Variants in SH3BP1 observed in about 807,000 individuals in gnomAD.
SH3BP1 encodes the protein SH3 domain binding protein 1, also known as SH3 domain-binding protein 1.
In SH3BP1, 46 loss-of-function variants were observed where a neutral mutation model predicts 69.8. The observed-to-expected ratio is 0.66, with a 90% CI of 0.52 to 0.84. The LOEUF is 0.84. Among genes scored for constraint, SH3BP1 ranks in the 40% least tolerant of loss-of-function variants. The pLI is 0.00. For missense variants in SH3BP1, 868 were observed against 930.9 expected, an observed-to-expected ratio of 0.93 and a Z score of 0.88; for synonymous variants, 403 against 378.0, an observed-to-expected ratio of 1.07 and a Z score of -0.77.
intron 7 of SH3BP1, among the ~76,000 whole-genome samples, chr22:37,644,294 G>A (rs1380637311): frequency 6.6e-6 from 1 of 152,188 alleles, no homozygotes; most frequent in Non-Finnish European, 1.5e-5. Context: ...CAGGAGAATC[G>A]CTTGAGCCCA....
chr22:37,653,663 T>TA, intron 16 of SH3BP1, 116 bp from the exon 17 acceptor site: 1 of 745,714 alleles, frequency 1.3e-6, no homozygotes, highest in South Asian at 1.5e-5. Context: ...GACAGAGTGA[T>TA]AGAGAGCGAG....
intron 10 of SH3BP1, among the ~76,000 whole-genome samples, chr22:37,645,960 C>CCT (rs1932779311): frequency 7.9e-6 from 1 of 126,280 alleles, no homozygotes; most frequent in African/African-American, 3.4e-5. Flanking sequence ...CTCCCTTACA[C>CCT]TTTTTTTTTT....
rs575510475 is a variant in SH3BP1 at position 37,655,881 on chromosome 22, C to T, written c.*197C>T. 1.3e-6 allele frequency: 2 copies of T among 1,548,946 alleles called. No individual in the cohort carries two copies. The highest frequency in any genetic ancestry group is 2.3e-5 in the South Asian group (2 of 85,170). On this transcript the variant is annotated 3_prime_UTR_variant, in exon 18 of 18. Transcript: ENST00000649765. The stretch of plus-strand genomic sequence containing the variant: ...ATTTCCTGACCTTTTCCTCGTCCAC[C>T]CTGGGCTTGGGGACCCCCCCACCGG...
intron 11 of SH3BP1, 129 bp downstream of exon 11, chr22:37,647,058 T>A (rs865816960): frequency 9.9e-5 from 73 of 737,526 alleles, no homozygotes; most frequent in African/African-American, 9.4e-4. Flanking sequence ...GGGTTCTTAA[T>A]GTGGGGTCCA....
intron 16 of SH3BP1, 90 bp downstream of exon 16, chr22:37,650,815 T>C: frequency 6.8e-7 from 1 of 1,465,072 alleles, no homozygotes; most frequent in East Asian, 2.3e-5. Context: ...AGCTGAATTT[T>C]TGGAAATGTA....
intron 4 of SH3BP1, 81 bp from the exon 5 acceptor site, chr22:37,642,814 A>C: frequency 6.3e-7 from 1 of 1,589,764 alleles, no homozygotes. Context: ...GCCGGAAGTG[A>C]GGGAGGAGAG....
At position 37,655,314 on chromosome 22, in the gene SH3BP1, A is replaced by G; in HGVS notation, c.1736A>G (p.Gln579Arg). ...APARPTMPPP[Q>R]VSGSRSSPPA... Reference sequence around the variant, plus strand: ...GCCCGGCCCACCATGCCGCCCCCCCAGGTCTCCGGCTCCCGCTCCTCCCCT... The same window carrying G: ...GCCCGGCCCACCATGCCGCCCCCCCGGGTCTCCGGCTCCCGCTCCTCCCCT... The change falls in exon 18 of 18, where the codon CAG (glutamine) becomes CGG (arginine). Residue 579 changes from glutamine (Q) to arginine (R), a missense_variant. Transcript: ENST00000649765. 7 of 1,095,116 alleles carry G rather than the reference A, an allele frequency of 6.4e-6. No homozygotes were observed. Among genetic ancestry groups the G allele is most frequent in the Non-Finnish European group, 7.8e-6 (7 of 896,438 alleles). 67.8% of individuals were successfully genotyped at this position (1,095,116 alleles called of 1,614,324 possible). A position where few individuals can be genotyped will look rare whatever the true frequency, so the allele number is the denominator to read the frequency against.
intron 2 of SH3BP1, 52 bp from the exon 3 acceptor site, chr22:37,641,316 TTCCTGC>T (rs1932584276): frequency 2.0e-6 from 3 of 1,536,702 alleles, no homozygotes; most frequent in Non-Finnish European, 2.6e-6. Flanking sequence ...AGGAGAAAGT[TTCCTGC>T]TCAGGGGGAG....
intron 12 of SH3BP1, 28 bp from the exon 13 acceptor site, chr22:37,647,413 G>A (rs780561813): frequency 1.9e-6 from 3 of 1,611,032 alleles, no homozygotes; most frequent in Non-Finnish European, 2.5e-6. Context: ...CCCTGCGCTG[G>A]CTGACAGGTC....
In SH3BP1 at chr22:37,647,530, G is replaced by A. The variant is rs374219527; in HGVS notation, c.1199+9G>A. Reference sequence around the variant, plus strand: ...AACCTCAGCAACCTCAGGTGAGCCCGAGCCCGCCTCCCCAGCCTGCCGCAG... The same window carrying A: ...AACCTCAGCAACCTCAGGTGAGCCCAAGCCCGCCTCCCCAGCCTGCCGCAG... On this transcript the variant is annotated intron_variant, in intron 13 of 17. Coordinates refer to ENST00000649765, the MANE Select transcript of SH3BP1 (RefSeq NM_018957.6). The A allele has an allele frequency of 1.1e-4, 168 of 1,588,952 alleles. No individual in the cohort carries two copies. Among genetic ancestry groups the A allele is most frequent in the Non-Finnish European group, 1.3e-4 (156 of 1,172,364 alleles).
At chr22:37,639,926 T>TGGGGGTAGAGGGGGGG in intron 1 of SH3BP1, 80 bp downstream of exon 1, 1 of 496,950 alleles carries the variant, frequency 2.0e-6, no homozygotes, top group Non-Finnish European at 3.6e-6. Context: ...GAGACGGGGG[T>TGGGGGTAGAGGGGGGG]GGGGGAGGCT....
At chr22:37,643,468 C>A in intron 6 of SH3BP1, 176 bp from the exon 7 acceptor site, 1 of 867,664 alleles carries the variant, frequency 1.2e-6, no homozygotes, top group Non-Finnish European at 1.8e-6. Context: ...AAATCTGCCA[C>A]CAGGGGGCAA....
At chr22:37,653,391 GCA>G (rs563978804) in intron 16 of SH3BP1, among the ~76,000 whole-genome samples, 250 of 151,356 alleles carry the variant, frequency 1.7e-3, no homozygotes, top group African/African-American at 5.5e-3. Flanking sequence ...AGCCAAGATC[GCA>G]CCACTGCACT....
intron 13 of SH3BP1, 78 bp downstream of exon 13, chr22:37,647,599 T>C: frequency 8.5e-7 from 1 of 1,173,520 alleles, no homozygotes; most frequent in Admixed American, 2.6e-5. Context: ...ACCCTGGGCT[T>C]GAGCCTGGCC....
chr22:37,641,238 G>C, intron 2 of SH3BP1, 70 bp downstream of exon 2: 1 of 1,522,592 alleles, frequency 6.6e-7, no homozygotes, highest in East Asian at 2.5e-5. Context: ...GGGCCGGGGC[G>C]GGGACGCCAG....
In SH3BP1 at chr22:37,639,806, C is replaced by A; in HGVS notation, c.19C>A (p.His7Asn). ...CCCCAAGATGATGAAGAGGCAGCTG[C>A]ACCGCATGCGGCAGCTGGCCCAGAC... MMKRQLHRMRQLAQTGS... is the reference protein window; with the variant it reads MMKRQLNRMRQLAQTGS... Residue 7 changes from histidine (H) to asparagine (N), a missense_variant, in exon 1 of 18, where the codon CAC becomes AAC. Transcript: ENST00000649765. 6.4e-7 allele frequency: 1 copy of A among 1,568,692 alleles called. No homozygotes were observed. Among genetic ancestry groups the A allele is most frequent in the Non-Finnish European group, 8.6e-7 (1 of 1,159,542 alleles).
chr22:37,648,700 C>CTTTTTT (rs993648456), intron 14 of SH3BP1: 6 of 158,038 alleles, frequency 3.8e-5, no homozygotes, highest in South Asian at 9.2e-5. Flanking sequence ...AGATCGGGTT[C>CTTTTTT]TTTTTTTTTT....
chr22:37,645,520 CCTGGGGCAGG>C lies in SH3BP1; in HGVS notation c.924+11_924+20del, dbSNP rs779855380. ...GGGCATGAAGGAAGAGGTGGGGTCC[CCTGGGGCAGG>C]TGGGGAAGGAGCACTGGGGCCCTCA... On this transcript the variant is annotated intron_variant, in intron 10 of 17. Coordinates refer to ENST00000649765, the MANE Select transcript of SH3BP1 (RefSeq NM_018957.6). 1.2e-6 allele frequency: 2 copies of C among 1,601,306 alleles called. No homozygotes were observed. Among genetic ancestry groups the C allele is most frequent in the East Asian group, 4.5e-5 (2 of 44,556 alleles).
intron 16 of SH3BP1, among the ~76,000 whole-genome samples, chr22:37,653,218 G>A (rs115701538): frequency 3.3e-5 from 5 of 152,080 alleles, no homozygotes; most frequent in South Asian, 2.1e-4. Context: ...GCAGAAGATC[G>A]CTTGAGACCA....
Sources: allele counts gnomAD v4.1 joint callset (sites outside exome capture counted in the v4.1 genomes callset), GRCh38; gene constraint gnomAD v4.1.1; transcripts MANE v1.5; gene names NCBI Gene and HGNC (gene_info 2026-07-23, HGNC 2026-07-21).